The following RFX3 variants were observed in gnomAD, a reference collection of about 807,000 sequenced individuals.
RFX3 encodes the protein regulatory factor X3, also known as transcription factor RFX3.
Under a neutral mutation model 98.6 loss-of-function variants are expected in RFX3, and 14 were observed. That is an observed-to-expected ratio of 0.14 (90% CI 0.09 to 0.22). The LOEUF (loss-of-function observed/expected upper bound fraction) is 0.22. Among genes scored for constraint, RFX3 ranks in the 10% least tolerant of loss-of-function variants. The pLI, the probability that RFX3 is intolerant of heterozygous loss-of-function variation, is 1.00. For synonymous variants in RFX3, 383 were observed against 328.4 expected (o/e 1.17, Z -1.80); for missense variants, 639 against 926.9 (o/e 0.69, Z 4.03).
In RFX3 at chr9:3,471,360, G is replaced by T. The variant is rs189457623; in HGVS notation, c.-9+54387C>A. On this transcript the variant is annotated intron_variant, in intron 1 of 16. Coordinates refer to ENST00000617270, the MANE Select transcript of RFX3 (RefSeq NM_001282116.2). ...GAGTCTTGGAGAATTTAAATCACTTGCTCAAGGATCCTTACAGAGTAATGG... is the reference window on the plus strand; with the variant it reads ...GAGTCTTGGAGAATTTAAATCACTTTCTCAAGGATCCTTACAGAGTAATGG... Among the ~76,000 whole-genome samples, 18 of 152,254 alleles carry T rather than the reference G, an allele frequency of 1.2e-4. No homozygotes were observed. The South Asian group carries it at 3.7e-3, about 32-fold the overall frequency.
intron 1 of RFX3, among the ~76,000 whole-genome samples, chr9:3,516,111 T>C (rs964253015): frequency 1.3e-5 from 2 of 152,208 alleles, no homozygotes; most frequent in South Asian, 2.1e-4. Context: ...CGCACTGGCG[T>C]GATCTCGGCT....
At position 3,344,911 on chromosome 9, in the gene RFX3, T is replaced by A. The variant is rs1325277352; in HGVS notation, c.215+1756A>T. 4.3e-6 allele frequency: 3 copies of A among 693,470 alleles called. No individual in the cohort carries two copies. The South Asian group carries it at 4.8e-5, about 11-fold the overall frequency. 43.0% of individuals were successfully genotyped at this position (693,470 alleles called of 1,614,324 possible). A position where few individuals can be genotyped will look rare whatever the true frequency, so the allele number is the denominator to read the frequency against. ...CAACAAATAAGTAGAGTGAAAAACA[T>A]TCACAGTGTGTCTAAAATATGTAAA... On this transcript the variant is annotated intron_variant, in intron 3 of 16. Coordinates refer to ENST00000617270, the MANE Select transcript of RFX3 (RefSeq NM_001282116.2).
chr9:3,473,408 T>C (rs1377959284), intron 1 of RFX3, among the ~76,000 whole-genome samples: 1 of 152,226 alleles, frequency 6.6e-6, no homozygotes, highest in East Asian at 1.9e-4. Context: ...CTCTGGGGTC[T>C]AGCCAAGAAG....
At chr9:3,349,687 T>C (rs1304766199) in intron 2 of RFX3, among the ~76,000 whole-genome samples, 1 of 152,110 alleles carries the variant, frequency 6.6e-6, no homozygotes, top group African/African-American at 2.4e-5. Flanking sequence ...TGTATATGAA[T>C]GTGTATAGAA....
chr9:3,409,323 T>A (rs1842262445), intron 1 of RFX3, among the ~76,000 whole-genome samples: 2 of 152,262 alleles, frequency 1.3e-5, no homozygotes, highest in African/African-American at 4.8e-5. Context: ...CCAATTGAAT[T>A]GGATGAACAT....
rs1253918896 is a variant in RFX3 at position 3,271,039 on chromosome 9, G to C, written c.1166C>G (p.Ser389Cys). 4 of 1,613,670 alleles carry C rather than the reference G, an allele frequency of 2.5e-6. No individual in the cohort carries two copies. In the African/African-American group the frequency reaches 4.0e-5, roughly 16 times the overall value. The change falls in exon 10 of 17, where the codon TCT (serine) becomes TGT (cysteine). Residue 389 changes from serine to cysteine, a missense_variant. Around this residue, in one of 9 missense-constraint regions of RFX3, gnomAD observed 30 missense variants for 23.0 expected, o/e 1.30. Transcript: ENST00000617270. Reference sequence around the variant, plus strand: ...AATGGTAGTGCCATCAGTTGGAGTAGAGGGAGAATAGCGCCAGAATGTTTG... The same window carrying C: ...AATGGTAGTGCCATCAGTTGGAGTACAGGGAGAATAGCGCCAGAATGTTTG... ...LWQTFWRYSP[S>C]TPTDGTTITE...
intron 1 of RFX3, among the ~76,000 whole-genome samples, chr9:3,421,954 C>T (rs1205842832): frequency 6.6e-6 from 1 of 151,230 alleles, no homozygotes; most frequent in Non-Finnish European, 1.5e-5. Context: ...AGACTGTGCT[C>T]TTCTATATTT....
intron 1 of RFX3, among the ~76,000 whole-genome samples, chr9:3,496,670 C>G (rs1377646959): frequency 6.6e-6 from 1 of 151,966 alleles, no homozygotes; most frequent in African/African-American, 2.4e-5. Context: ...CCCATTTTTA[C>G]ATTAAAAATC....
At chr9:3,231,125 TG>T (rs1342958958) in intron 15 of RFX3, among the ~76,000 whole-genome samples, 5 of 152,226 alleles carry the variant, frequency 3.3e-5, no homozygotes, top group African/African-American at 1.2e-4. Flanking sequence ...TTATGCACTA[TG>T]GGGGACAATG....
At chr9:3,348,393 A>G (rs1158918530) in intron 2 of RFX3, among the ~76,000 whole-genome samples, 2 of 151,992 alleles carry the variant, frequency 1.3e-5, no homozygotes, top group Non-Finnish European at 2.9e-5. Context: ...GGGTCTATCT[A>G]TTAATAGTAT....
intron 1 of RFX3, among the ~76,000 whole-genome samples, chr9:3,466,044 A>T (rs2133130941): frequency 6.6e-6 from 1 of 152,362 alleles, no homozygotes; most frequent in East Asian, 1.9e-4. Flanking sequence ...AATTTATTCA[A>T]ACAGCATTCA....
At position 3,462,701 on chromosome 9, in the gene RFX3, G is replaced by C. The variant is rs1168962303; in HGVS notation, c.-9+63046C>G. 3.9e-5 allele frequency among the ~76,000 whole-genome samples: 6 copies of C among 152,068 alleles called. No individual in the cohort carries two copies. In the South Asian group the frequency reaches 8.3e-4, roughly 21 times the overall value. Reference sequence around the variant, plus strand: ...AAACAGTGCATTTAGTAACATTACAGTGTTACAAGGTCAAAATAGAAAAAG... The same window carrying C: ...AAACAGTGCATTTAGTAACATTACACTGTTACAAGGTCAAAATAGAAAAAG... On this transcript the variant is annotated intron_variant, in intron 1 of 16. Coordinates refer to ENST00000617270, the MANE Select transcript of RFX3 (RefSeq NM_001282116.2).
intron 1 of RFX3, among the ~76,000 whole-genome samples, chr9:3,513,714 T>A (rs1380160439): frequency 6.6e-6 from 1 of 152,342 alleles, no homozygotes; most frequent in Non-Finnish European, 1.5e-5. Flanking sequence ...TACTCTGATC[T>A]GTATCTCCAG....
intron 1 of RFX3, among the ~76,000 whole-genome samples, chr9:3,471,293 T>C (rs1014945955): frequency 6.6e-6 from 1 of 152,204 alleles, no homozygotes; most frequent in Non-Finnish European, 1.5e-5. Context: ...TGCAATAAAA[T>C]AAGGCAAGTA....
intron 1 of RFX3, among the ~76,000 whole-genome samples, chr9:3,464,388 A>T (rs1848005144): frequency 6.6e-6 from 1 of 152,180 alleles, no homozygotes; most frequent in Non-Finnish European, 1.5e-5. Context: ...AAAAAGAAAA[A>T]TTCCATCAAA....
At chr9:3,519,328 C>G (rs1389486477) in intron 1 of RFX3, among the ~76,000 whole-genome samples, 3 of 151,996 alleles carry the variant, frequency 2.0e-5, no homozygotes, top group South Asian at 2.1e-4. Context: ...TTGTCTGTGC[C>G]TTATTTTTTA....
intron 11 of RFX3, among the ~76,000 whole-genome samples, chr9:3,270,127 G>GAAAGAAAGAAAGAAAGA (rs1563833693): frequency 4.8e-5 from 2 of 41,752 alleles, no homozygotes; most frequent in Admixed American, 2.3e-4. Context: ...AGAAAGAAAG[G>GAAAGAAAGAAAGAAAGA]AAAGAAAGAA....
At chr9:3,456,078 G>A (rs1474038382) in intron 1 of RFX3, among the ~76,000 whole-genome samples, 1 of 152,210 alleles carries the variant, frequency 6.6e-6, no homozygotes, top group Non-Finnish European at 1.5e-5. Flanking sequence ...AGAAGAGCAC[G>A]CTCCTGAAGG....
intron 4 of RFX3, among the ~76,000 whole-genome samples, chr9:3,325,639 A>T (rs576072453): frequency 4.6e-5 from 7 of 152,168 alleles, no homozygotes; most frequent in Admixed American, 1.3e-4. Context: ...AAGAATAAAA[A>T]TATTATTTTA....
Sources: allele counts gnomAD v4.1 joint callset (sites outside exome capture counted in the v4.1 genomes callset), GRCh38; gene constraint gnomAD v4.1.1; regional missense constraint gnomAD v4.1.1; transcripts MANE v1.5; gene names NCBI Gene and HGNC (gene_info 2026-07-23, HGNC 2026-07-21).